The following PTH2 variants were observed in gnomAD, a reference collection of about 807,000 sequenced individuals.
PTH2 encodes tuberoinfundibular 39 residue protein.
PTH2 carries 5 observed loss-of-function variants against 6.2 expected under a neutral mutation model. The observed-to-expected ratio is 0.80, with a 90% CI of 0.42 to 1.69. The LOEUF (loss-of-function observed/expected upper bound fraction) is 1.69, where lower values mean the gene tolerates loss of function less well. Among genes scored for constraint, PTH2 ranks in the 40% most tolerant of loss-of-function variants. The probability of loss-of-function intolerance (pLI) is 0.02; values close to 1 mark genes in which losing one functional copy is unlikely to be tolerated. For missense variants in PTH2, 156 were observed against 142.5 expected (o/e 1.09, Z -0.48); for synonymous variants, 67 against 73.6 (o/e 0.91, Z 0.46).
intron 1 of PTH2, 121 bp from the exon 2 acceptor site, chr19:49,422,763 CT>C (rs1975031218): frequency 1.1e-6 from 1 of 913,728 alleles, no homozygotes; most frequent in Non-Finnish European, 1.5e-6. Flanking sequence ...CCGGCTCCCC[CT>C]GTCTCTCTCG....
Position 49,423,258 on chromosome 19 carries a change from C to A in PTH2, c.82G>T (p.Val28Phe), listed in dbSNP as rs201441731. 188 of 1,613,348 alleles carry A rather than the reference C, an allele frequency of 1.2e-4. No individual in the cohort carries two copies. Among genetic ancestry groups the A allele is most frequent in the Admixed American group, 6.7e-4 (40 of 59,968 alleles). The part of the protein sequence containing the change: ...LLLLLVVPWG[V>F]RTASGVALPP... The stretch of plus-strand genomic sequence containing the variant: ...AGGGCGACTCCCGAGGCAGTGCGGA[C>A]GCCCCAGGGCACCACCAGCAGCAGC... Residue 28 changes from valine (V) to phenylalanine (F), a missense_variant, in exon 1 of 2, where the codon GTC becomes TTC. By Grantham distance (50) the Val-to-Phe change is conservative (BLOSUM62 -1). Coordinates refer to ENST00000270631, the MANE Select transcript of PTH2 (RefSeq NM_178449.4).
chr19:49,422,786 G>A, intron 1 of PTH2, 144 bp from the exon 2 acceptor site: 1 of 776,626 alleles, frequency 1.3e-6, no homozygotes, highest in African/African-American at 1.9e-5. Context: ...TCTCTGTGTG[G>A]GTCTCTGTCT....
In PTH2 at chr19:49,422,792, T is replaced by C. The variant is rs139926947; in HGVS notation, c.129-150A>G. ...CTCTCTCGTTCTCTGTGTGGGTCTCTGTCTCTCTGCTCACCAGGTTCGAAA... is the reference window on the plus strand; with the variant it reads ...CTCTCTCGTTCTCTGTGTGGGTCTCCGTCTCTCTGCTCACCAGGTTCGAAA... On this transcript the variant is annotated intron_variant, in intron 1 of 1. Transcript: ENST00000270631. 258 of 750,122 alleles carry C rather than the reference T, an allele frequency of 3.4e-4. No individual in the cohort carries two copies. In the African/African-American group the frequency reaches 4.4e-3, roughly 13 times the overall value. 46.5% of individuals were successfully genotyped at this position (750,122 alleles called of 1,614,324 possible). A position where few individuals can be genotyped will look rare whatever the true frequency, so the allele number is the denominator to read the frequency against.
rs1200092885 is a variant in PTH2, at chr19:49,423,298, C to A, written c.42G>T (p.Leu14=). 1 of 1,610,684 alleles carries A rather than the reference C, an allele frequency of 6.2e-7. No individual in the cohort carries two copies. The highest frequency in any genetic ancestry group is 8.5e-7 in the Non-Finnish European group (1 of 1,178,758). The change falls in exon 1 of 2, where the codon CTG becomes CTT. Residue 14 remains leucine, a synonymous_variant. Coordinates refer to ENST00000270631, the MANE Select transcript of PTH2 (RefSeq NM_178449.4). ...RQVSRSPRVR[L]LLLLLLLLVV... Reference sequence around the variant, plus strand: ...CCAGCAGCAGCAGCAGCAGCAGCAGCAGCCGAACCCGAGGGCTCCTGGACA... The same window carrying A: ...CCAGCAGCAGCAGCAGCAGCAGCAGAAGCCGAACCCGAGGGCTCCTGGACA...
At position 49,422,440 on chromosome 19, in the gene PTH2, T is replaced by C; in HGVS notation, c.*28A>G. ...GCAGTCCGGAGCGCAGGGCATGGTC[T>C]TTATTAAGATGGGGACGGGCAGCGC... On this transcript the variant is annotated 3_prime_UTR_variant, in exon 2 of 2. Transcript: ENST00000270631. 6.3e-7 allele frequency: 1 copy of C among 1,584,350 alleles called. No homozygotes were observed. Among genetic ancestry groups the C allele is most frequent in the Non-Finnish European group, 8.6e-7 (1 of 1,168,556 alleles).
In PTH2 at chr19:49,422,652, G is replaced by A; in HGVS notation, c.129-10C>T. On this transcript the variant is annotated splice_polypyrimidine_tract_variant and intron_variant, in intron 1 of 1. Transcript: ENST00000270631. ...TCCTGGGGGGCGGAGGCTGTGGAGA[G>A]ACGCGGTGACCGCGCGTCCAGACTC... 7.2e-7 allele frequency: 1 copy of A among 1,398,180 alleles called. No individual in the cohort carries two copies. Among genetic ancestry groups the A allele is most frequent in the Non-Finnish European group, 9.3e-7 (1 of 1,079,506 alleles). 86.6% of individuals were successfully genotyped at this position (1,398,180 alleles called of 1,614,324 possible). A position where few individuals can be genotyped will look rare whatever the true frequency, so the allele number is the denominator to read the frequency against.
Position 49,422,476 on chromosome 19 carries a change from C to T in PTH2, c.295G>A (p.Ala99Thr). The T allele has an allele frequency of 1.2e-6, 2 of 1,600,326 alleles. No individual in the cohort carries two copies. The highest frequency in any genetic ancestry group is 1.7e-6 in the Non-Finnish European group (2 of 1,174,928). ...GGGGACGGGCAGCGCGCTCAGGGCG[C>T]ATCCAACACCAGCAGCTTGTGCATG... Reference protein sequence around the residue: ...SYMHKLLVLDAP With the variant: ...SYMHKLLVLDTP Residue 99 changes from alanine (A) to threonine (T), a missense_variant, in exon 2 of 2, where the codon GCG (alanine) becomes ACG (threonine). By Grantham distance (58) the Ala-to-Thr change is moderately conservative. Transcript: ENST00000270631.
Position 49,422,631 on chromosome 19 carries a change from G to T in PTH2, c.140C>A (p.Pro47Gln). The T allele has an allele frequency of 1.4e-6, 2 of 1,421,280 alleles. No homozygotes were observed. Among genetic ancestry groups the T allele is most frequent in the Non-Finnish European group, 1.8e-6 (2 of 1,093,914 alleles). 88.0% of individuals were successfully genotyped at this position (1,421,280 alleles called of 1,614,324 possible). ...PPVGVLSLRPPGRAWADPATP... is the reference protein window; with the variant it reads ...PPVGVLSLRPQGRAWADPATP... ...GGCGGGATCCGCCCAGGCCCGTCCT[G>T]GGGGGCGGAGGCTGTGGAGAGACGC... Residue 47 changes from proline to glutamine, a missense_variant, in exon 2 of 2, where the codon CCA (proline) becomes CAA (glutamine). Pro to Gln is a moderately conservative substitution (Grantham distance 76, BLOSUM62 -1). Coordinates refer to ENST00000270631, the MANE Select transcript of PTH2 (RefSeq NM_178449.4).
At chr19:49,423,031 A>G (rs372019302) in intron 1 of PTH2, among the ~76,000 whole-genome samples, 181 bp downstream of exon 1, 3 of 150,196 alleles carry the variant, frequency 2.0e-5, no homozygotes, top group African/African-American at 7.4e-5. Flanking sequence ...CACCACCACT[A>G]CCACCAAACC....
rs1021455599 is a variant in PTH2, at chr19:49,422,737, C to G, written c.129-95G>C. The G allele has an allele frequency of 9.5e-6, 11 of 1,154,844 alleles. No individual in the cohort carries two copies. In the East Asian group the frequency reaches 3.4e-4, roughly 36 times the overall value. The allele number at this position is 1,154,844 out of a possible 1,614,324, so 71.5% of individuals were successfully genotyped here. The stretch of plus-strand genomic sequence containing the variant: ...CTCGAAGCCCCGTTACTGCCCAGTC[C>G]GTGGAGTGGCTCGGTCCGGCTCCCC... On this transcript the variant is annotated intron_variant, in intron 1 of 1. Coordinates refer to ENST00000270631, the MANE Select transcript of PTH2 (RefSeq NM_178449.4).
rs917456023 is a variant in PTH2, at chr19:49,422,728, T to C, written c.129-86A>G. On this transcript the variant is annotated intron_variant, in intron 1 of 1. Transcript: ENST00000270631. ...GCGGTCTAACTCGAAGCCCCGTTACTGCCCAGTCCGTGGAGTGGCTCGGTC... is the reference window on the plus strand; with the variant it reads ...GCGGTCTAACTCGAAGCCCCGTTACCGCCCAGTCCGTGGAGTGGCTCGGTC... The C allele has an allele frequency of 4.8e-6, 6 of 1,240,582 alleles. No individual in the cohort carries two copies. In the African/African-American group the frequency reaches 9.6e-5, roughly 20 times the overall value. 76.8% of individuals were successfully genotyped at this position (1,240,582 alleles called of 1,614,324 possible). A position where few individuals can be genotyped will look rare whatever the true frequency, so the allele number is the denominator to read the frequency against.
chr19:49,422,972 T>A (rs1452211681), intron 1 of PTH2, among the ~76,000 whole-genome samples: 1 of 151,982 alleles, frequency 6.6e-6, no homozygotes, highest in Non-Finnish European at 1.5e-5. Flanking sequence ...TTTCTCGGGA[T>A]CTATCTTTCT....
chr19:49,423,394 C>T lies in PTH2; in HGVS notation c.-55G>A. On this transcript the variant is annotated 5_prime_UTR_variant, in exon 1 of 2. Coordinates refer to ENST00000270631, the MANE Select transcript of PTH2 (RefSeq NM_178449.4). ...TAGGGCTGCATCCCGGCCCAGAACCCCGGGCCCCACCATGCATCCACCCCC... is the reference window on the plus strand; with the variant it reads ...TAGGGCTGCATCCCGGCCCAGAACCTCGGGCCCCACCATGCATCCACCCCC... The T allele has an allele frequency of 2.6e-6, 4 of 1,529,232 alleles. No individual in the cohort carries two copies. Among genetic ancestry groups the T allele is most frequent in the East Asian group, 2.5e-5 (1 of 40,808 alleles). 94.7% of individuals were successfully genotyped at this position (1,529,232 alleles called of 1,614,324 possible).
In PTH2 at chr19:49,423,260, C is replaced by A. The variant is rs773072133; in HGVS notation, c.80G>T (p.Gly27Val). 1.2e-6 allele frequency: 2 copies of A among 1,613,496 alleles called. No individual in the cohort carries two copies. The highest frequency in any genetic ancestry group is 1.7e-6 in the Non-Finnish European group (2 of 1,179,796). ...LLLLLLVVPW[G>V]VRTASGVALP... ...GGCGACTCCCGAGGCAGTGCGGACG[C>A]CCCAGGGCACCACCAGCAGCAGCAG... The change falls in exon 1 of 2, where the codon GGC becomes GTC. Residue 27 changes from glycine to valine, a missense_variant. Transcript: ENST00000270631.
Position 49,423,328 on chromosome 19 carries a change from G to A in PTH2, c.12C>T (p.Arg4=), listed in dbSNP as rs1310739360. The change falls in exon 1 of 2, where the codon CGC becomes CGT. Residue 4 remains arginine (R), a synonymous_variant. Transcript: ENST00000270631. The stretch of plus-strand genomic sequence containing the variant: ...GAACCCGAGGGCTCCTGGACACCTG[G>A]CGGGTCTCCATCACCTGTGGAGAAC... MET[R]QVSRSPRVRL... The A allele has an allele frequency of 1.9e-6, 3 of 1,598,680 alleles. No homozygotes were observed. Among genetic ancestry groups the A allele is most frequent in the Non-Finnish European group, 2.6e-6 (3 of 1,172,804 alleles).
rs531203646 is a variant in PTH2 at position 49,423,207 on chromosome 19, C to T, written c.128+5G>A. On this transcript the variant is annotated splice_donor_5th_base_variant and intron_variant, in intron 1 of 1. Transcript: ENST00000270631. ...CTCCCTGGGAGTTCTGGGACTGGCACCTACCTGAGGACCCCGACCGGGGGC... is the reference window on the plus strand; with the variant it reads ...CTCCCTGGGAGTTCTGGGACTGGCATCTACCTGAGGACCCCGACCGGGGGC... 2.5e-6 allele frequency: 4 copies of T among 1,613,184 alleles called. No individual in the cohort carries two copies. The South Asian group carries it at 3.3e-5, about 13-fold the overall frequency.
At position 49,422,470 on chromosome 19, in the gene PTH2, A is replaced by G; in HGVS notation, c.301T>C (p.Ter101ArgextTer8). Residue 101 changes from the stop codon to arginine (R), a stop_lost, in exon 2 of 2, where the codon TGA (stop) becomes CGA (arginine). Coordinates refer to ENST00000270631, the MANE Select transcript of PTH2 (RefSeq NM_178449.4). ...MHKLLVLDAP[*>R] ...TAAGATGGGGACGGGCAGCGCGCTC[A>G]GGGCGCATCCAACACCAGCAGCTTG... The G allele has an allele frequency of 1.3e-6, 2 of 1,592,504 alleles. No individual in the cohort carries two copies. The highest frequency in any genetic ancestry group is 1.7e-6 in the Non-Finnish European group (2 of 1,171,744).
Position 49,422,453 on chromosome 19 carries a change from G to A in PTH2, c.*15C>T. The A allele has an allele frequency of 6.3e-7, 1 of 1,587,378 alleles. No individual in the cohort carries two copies. Among genetic ancestry groups the A allele is most frequent in the East Asian group, 2.4e-5 (1 of 40,844 alleles). Reference sequence around the variant, plus strand: ...CAGGGCATGGTCTTTATTAAGATGGGGACGGGCAGCGCGCTCAGGGCGCAT... The same window carrying A: ...CAGGGCATGGTCTTTATTAAGATGGAGACGGGCAGCGCGCTCAGGGCGCAT... On this transcript the variant is annotated 3_prime_UTR_variant, in exon 2 of 2. Coordinates refer to ENST00000270631, the MANE Select transcript of PTH2 (RefSeq NM_178449.4).
Position 49,422,591 on chromosome 19 carries a change from C to G in PTH2, c.180G>C (p.Arg60=). 2 of 1,540,968 alleles carry G rather than the reference C, an allele frequency of 1.3e-6. No individual in the cohort carries two copies. Among genetic ancestry groups the G allele is most frequent in the South Asian group, 2.4e-5 (2 of 81,854 alleles). Residue 60 remains arginine, a synonymous_variant, in exon 2 of 2, where the codon CGG becomes CGC. Coordinates refer to ENST00000270631, the MANE Select transcript of PTH2 (RefSeq NM_178449.4). The stretch of plus-strand genomic sequence containing the variant: ...CGTCGTCCGCCAGCGCCAGGCTCCT[C>G]CGCGGCCTGGGGGTGGCGGGATCCG... ...AWADPATPRP[R]RSLALADDAA... is the part of the protein sequence containing the mutation.
Sources: allele counts gnomAD v4.1 joint callset (sites outside exome capture counted in the v4.1 genomes callset), GRCh38; gene constraint gnomAD v4.1.1; transcripts MANE v1.5; gene names NCBI Gene and HGNC (gene_info 2026-07-23, HGNC 2026-07-21).